RGL3: variants seen among roughly 807,000 people sequenced by gnomAD.
RGL3 encodes ral guanine nucleotide dissociation stimulator like 3, also known as ral guanine nucleotide dissociation stimulator-like 3.
RGL3 carries 85 observed loss-of-function variants against 90.6 expected under a neutral mutation model. The observed-to-expected ratio is 0.94, with a 90% confidence interval of 0.79 to 1.12. The LOEUF is 1.12. Ranked by LOEUF, RGL3 falls within the 50% of genes most tolerant of loss-of-function variation. The probability of loss-of-function intolerance (pLI) is 0.00; values close to 1 mark genes in which losing one functional copy is unlikely to be tolerated. For synonymous variants in RGL3, 408 were observed against 385.5 expected, an observed-to-expected ratio of 1.06 and a Z score of -0.68; for missense variants, 1,034 against 939.2, an observed-to-expected ratio of 1.10 and a Z score of -1.32.
In RGL3 at chr19:11,399,958, G is replaced by T. The variant is rs769639500; in HGVS notation, c.1650-7C>A. 1 of 1,567,288 alleles carries T rather than the reference G, an allele frequency of 6.4e-7. No individual in the cohort carries two copies. The highest frequency in any genetic ancestry group is 8.6e-7 in the Non-Finnish European group (1 of 1,160,624). ...GGGTGACCCTGGGGACACACTGGGG[G>T]AGATGCAGAGGCTGAGGTGGGGTGG... On this transcript the variant is annotated splice_region_variant and splice_polypyrimidine_tract_variant and intron_variant, in intron 15 of 18. Transcript: ENST00000380456.
Position 11,416,894 on chromosome 19 carries a change from G to T in RGL3, c.313C>A (p.Pro105Thr), listed in dbSNP as rs375148959. 4.5e-5 allele frequency: 73 copies of T among 1,614,018 alleles called. No homozygotes were observed. Among genetic ancestry groups the T allele is most frequent in the Non-Finnish European group, 5.6e-5 (66 of 1,180,026 alleles). Residue 105 changes from proline (P) to threonine (T), a missense_variant, in exon 3 of 19, where the codon CCC (proline) becomes ACC (threonine). By Grantham distance (38) the Pro-to-Thr change is conservative. Transcript: ENST00000380456. ...AGAAAGCCCAGCAGGCAGGCAGTGG[G>T]TACAAAGGTCCGGTAGGTGGCCAGG... The part of the protein sequence containing the change: ...AFLATYRTFV[P>T]TACLLGFLLP...
At position 11,400,028 on chromosome 19, in the gene RGL3, C is replaced by A; in HGVS notation, c.1649+12G>T. 1 of 1,602,776 alleles carries A rather than the reference C, an allele frequency of 6.2e-7. No homozygotes were observed. The highest frequency in any genetic ancestry group is 8.5e-7 in the Non-Finnish European group (1 of 1,176,428). On this transcript the variant is annotated intron_variant, in intron 15 of 18. Transcript: ENST00000380456. The stretch of plus-strand genomic sequence containing the variant: ...CATGATCCCCAGTCCCATCACCAAG[C>A]AGAATGCTCACCTGGAGGTGGGGGA...
intron 16 of RGL3, 127 bp from the exon 17 acceptor site, chr19:11,397,724 A>C: frequency 1.7e-5 from 17 of 1,000,710 alleles, no homozygotes; most frequent in Non-Finnish European, 2.4e-5. Context: ...TCAAGAAAAC[A>C]TTGGCTGGGC....
At chr19:11,405,789 G>A (rs2144727182) in intron 7 of RGL3, among the ~76,000 whole-genome samples, 1 of 151,282 alleles carries the variant, frequency 6.6e-6, no homozygotes, top group African/African-American at 2.4e-5. Context: ...TCCGCCTCCC[G>A]GGTTCAAGTG....
chr19:11,394,487 T>C lies in RGL3; in HGVS notation c.2048A>G (p.Tyr683Cys), dbSNP rs982280747. Reference sequence around the variant, plus strand: ...TCTGGGGGCGACTGGACTCATGGCATAGAAGACGTTGGCATTGTCAGGAAT... The same window carrying C: ...TCTGGGGGCGACTGGACTCATGGCACAGAAGACGTTGGCATTGTCAGGAAT... Reference protein sequence around the residue: ...LLIPDNANVFYAMSPVAPRDF... With the variant: ...LLIPDNANVFCAMSPVAPRDF... Residue 683 changes from tyrosine (Y) to cysteine (C), a missense_variant, in exon 19 of 19, where the codon TAT (tyrosine) becomes TGT (cysteine). Transcript: ENST00000380456. The C allele has an allele frequency of 2.5e-6, 4 of 1,613,884 alleles. No homozygotes were observed. In the African/African-American group the frequency reaches 5.3e-5, roughly 22 times the overall value.
At position 11,394,481 on chromosome 19, in the gene RGL3, A is replaced by G. The variant is rs751820206; in HGVS notation, c.2054T>C (p.Met685Thr). Residue 685 changes from methionine (M) to threonine (T), a missense_variant, in exon 19 of 19, where the codon ATG (methionine) becomes ACG (threonine). By Grantham distance (81) the Met-to-Thr change is moderately conservative (BLOSUM62 -1). Coordinates refer to ENST00000380456, the MANE Select transcript of RGL3 (RefSeq NM_001035223.4). Reference protein sequence around the residue: ...IPDNANVFYAMSPVAPRDFML... With the variant: ...IPDNANVFYATSPVAPRDFML... Reference sequence around the variant, plus strand: ...GAAGTCTCTGGGGGCGACTGGACTCATGGCATAGAAGACGTTGGCATTGTC... The same window carrying G: ...GAAGTCTCTGGGGGCGACTGGACTCGTGGCATAGAAGACGTTGGCATTGTC... 1 of 1,614,054 alleles carries G rather than the reference A, an allele frequency of 6.2e-7. No homozygotes were observed. Among genetic ancestry groups the G allele is most frequent in the Non-Finnish European group, 8.5e-7 (1 of 1,179,984 alleles).
intron 2 of RGL3, among the ~76,000 whole-genome samples, chr19:11,418,087 G>A (rs1969034371): frequency 1.3e-5 from 2 of 151,918 alleles, no homozygotes. Flanking sequence ...CGAAGCGCAG[G>A]GATTATAGGT....
rs1568342108 is a variant in RGL3 at position 11,414,528 on chromosome 19, T to TATATATAC, written c.637+1408_637+1409insGTATATAT. Among the ~76,000 whole-genome samples, 154 of 74,094 alleles carry TATATATAC rather than the reference T, an allele frequency of 2.1e-3. 57 individuals carry two copies. In the East Asian group the frequency reaches 0.026, roughly 12 times the overall value. 48.6% of individuals were successfully genotyped at this position (74,094 alleles called of 152,430 possible). A position where few individuals can be genotyped will look rare whatever the true frequency, so the allele number is the denominator to read the frequency against. On this transcript the variant is annotated intron_variant, in intron 5 of 18. Coordinates refer to ENST00000380456, the MANE Select transcript of RGL3 (RefSeq NM_001035223.4). The stretch of plus-strand genomic sequence containing the variant: ...ATATATATATATATATATATATATA[T>TATATATAC]ACCTTTATATATATATAAATAACTG...
rs1742077709 is a variant in RGL3 at position 11,406,930 on chromosome 19, G to T, written c.638-66C>A. 8 of 1,495,440 alleles carry T rather than the reference G, an allele frequency of 5.3e-6. 1 individual carries two copies. The highest frequency in any genetic ancestry group is 7.3e-6 in the Non-Finnish European group (8 of 1,093,852). The allele number at this position is 1,495,440 out of a possible 1,614,324, so 92.6% of individuals were successfully genotyped here. ...CAAGACTGGCTGTGTGACCTTGGGT[G>T]AGTCCCTGTCCCTCTCTGAGGCTCA... is the stretch of plus-strand genomic sequence containing the variant. On this transcript the variant is annotated intron_variant, in intron 5 of 18. Coordinates refer to ENST00000380456, the MANE Select transcript of RGL3 (RefSeq NM_001035223.4).
At position 11,405,344 on chromosome 19, in the gene RGL3, C is replaced by T. The variant is rs1382385743; in HGVS notation, c.1079G>A (p.Arg360His). Residue 360 changes from arginine (R) to histidine (H), a missense_variant, in exon 8 of 19, where the codon CGC (arginine) becomes CAC (histidine). Arg to His is a conservative substitution (Grantham distance 29). Transcript: ENST00000380456. The part of the protein sequence containing the change: ...LQSNPIYRLK[R>H]SWGAVSREPL... ...TCACCGGCTCACTGCCCCCCAGCTG[C>T]GCTTGAGCCGGTAGATGGGGTTAGA... 1.2e-6 allele frequency: 2 copies of T among 1,613,000 alleles called. No homozygotes were observed. Among genetic ancestry groups the T allele is most frequent in the Non-Finnish European group, 1.7e-6 (2 of 1,179,662 alleles).
At position 11,394,202 on chromosome 19, in the gene RGL3, C is replaced by A; in HGVS notation, c.*200G>T. ...TTATGGGATTGAGCTCTCCACCAGC[C>A]ACCCATGGGCTGATGTCTTTGGAAT... On this transcript the variant is annotated 3_prime_UTR_variant, in exon 19 of 19. Transcript: ENST00000380456. 1.8e-6 allele frequency: 1 copy of A among 558,150 alleles called. No individual in the cohort carries two copies. The highest frequency in any genetic ancestry group is 3.0e-5 in the East Asian group (1 of 33,026). The allele number at this position is 558,150 out of a possible 1,614,324, so 34.6% of individuals were successfully genotyped here. A position where few individuals can be genotyped will look rare whatever the true frequency, so the allele number is the denominator to read the frequency against.
chr19:11,413,362 G>A (rs966344429), intron 5 of RGL3, among the ~76,000 whole-genome samples: 6 of 151,266 alleles, frequency 4.0e-5, no homozygotes, highest in Non-Finnish European at 5.9e-5. Context: ...ATAGTGAAAC[G>A]CTGTCTCTAA....
At chr19:11,396,148 A>C (rs1445826678) in intron 18 of RGL3, among the ~76,000 whole-genome samples, 3 of 62,432 alleles carry the variant, frequency 4.8e-5, no homozygotes, top group African/African-American at 2.2e-4. Flanking sequence ...ATATATATAT[A>C]TATATATATA....
chr19:11,406,814 C>A lies in RGL3; in HGVS notation c.688G>T (p.Ala230Ser), dbSNP rs1313382962. 6.3e-7 allele frequency: 1 copy of A among 1,590,664 alleles called. No homozygotes were observed. The highest frequency in any genetic ancestry group is 8.6e-7 in the Non-Finnish European group (1 of 1,159,438). Residue 230 changes from alanine (A) to serine (S), a missense_variant, in exon 6 of 19, where the codon GCG (alanine) becomes TCG (serine). Transcript: ENST00000380456. The stretch of plus-strand genomic sequence containing the variant: ...GGCATGAGCCCTTCCTCTTCCTCCG[C>A]GCAGGCCTCTGAAGAGTCTGGGTCA... ...TSDPDSSEAC[A>S]EEEEGLMPQG...
chr19:11,402,785 T>G, intron 9 of RGL3, 79 bp from the exon 10 acceptor site: 2 of 1,212,592 alleles, frequency 1.6e-6, no homozygotes, highest in Non-Finnish European at 2.4e-6. Context: ...AGACCCATCA[T>G]ATATACCCTT....
At chr19:11,402,985 G>A (rs1195088141) in intron 9 of RGL3, among the ~76,000 whole-genome samples, 1 of 151,974 alleles carries the variant, frequency 6.6e-6, no homozygotes, top group African/African-American at 2.4e-5. Flanking sequence ...GCTCACACCT[G>A]TAGTCCCAGC....
intron 5 of RGL3, among the ~76,000 whole-genome samples, chr19:11,413,432 G>A (rs911348971): frequency 4.0e-5 from 6 of 150,932 alleles, no homozygotes; most frequent in African/African-American, 1.5e-4. Flanking sequence ...CTACTTGGGA[G>A]GCTAAGGCAG....
intron 13 of RGL3, 57 bp from the exon 14 acceptor site, chr19:11,400,354 G>T (rs1402928474): frequency 1.4e-6 from 2 of 1,443,850 alleles, no homozygotes; most frequent in Non-Finnish European, 1.9e-6. Context: ...GGGATGGAGA[G>T]ATAAGAGTTG....
Position 11,405,155 on chromosome 19 carries a change from G to T in RGL3, c.1177C>A (p.Leu393Ile), listed in dbSNP as rs780483259. 52 of 1,613,940 alleles carry T rather than the reference G, an allele frequency of 3.2e-5. 1 individual carries two copies. The Admixed American group carries it at 8.0e-4, about 25-fold the overall frequency. ...ENNHLSSREI[L>I]FQEEATEGSQ... ...TCTGCATCCATCTCTACCTGGAAAAGAATCTCTCTGCTGCTGAGGTGGTTG... is the reference window on the plus strand; with the variant it reads ...TCTGCATCCATCTCTACCTGGAAAATAATCTCTCTGCTGCTGAGGTGGTTG... The change falls in exon 9 of 19, where the codon CTT (leucine) becomes ATT (isoleucine). Residue 393 changes from leucine (L) to isoleucine (I), a missense_variant. Leu to Ile is a conservative substitution (Grantham distance 5). Transcript: ENST00000380456.
Sources: allele counts gnomAD v4.1 joint callset (sites outside exome capture counted in the v4.1 genomes callset), GRCh38; gene constraint gnomAD v4.1.1; transcripts MANE v1.5; gene names NCBI Gene and HGNC (gene_info 2026-07-23, HGNC 2026-07-21).